The following RGPD4 variants were observed in gnomAD, a reference collection of about 807,000 sequenced individuals.
The protein encoded by RGPD4 is RANBP2 like and GRIP domain containing 4, also known as ranBP2-like and GRIP domain-containing protein 4.
A neutral mutation model predicts 141.1 loss-of-function variants in RGPD4; 84 were observed. That is an observed-to-expected ratio of 0.60 (90% CI 0.50 to 0.71). RGPD4 has a LOEUF of 0.71. Ranked by LOEUF, RGPD4 falls within the 30% of genes least tolerant of loss-of-function variation. The pLI is 0.00. For missense variants in RGPD4, 918 were observed against 1,622.4 expected, an observed-to-expected ratio of 0.57 and a Z score of 7.46; for synonymous variants, 298 against 566.8, an observed-to-expected ratio of 0.53 and a Z score of 6.74.
rs749321793 is a variant in RGPD4, at chr2:107,890,769, G to T, written c.*38G>T. 5.0e-6 allele frequency: 8 copies of T among 1,600,844 alleles called. No homozygotes were observed. The highest frequency in any genetic ancestry group is 6.8e-6 in the Non-Finnish European group (8 of 1,175,604). On this transcript the variant is annotated 3_prime_UTR_variant, in exon 23 of 23. Coordinates refer to ENST00000408999, the MANE Select transcript of RGPD4 (RefSeq NM_182588.3). Reference sequence around the variant, plus strand: ...TCTTCTGGATGGGCATCCTATCTTCGTAGTTGGTTTGGACTTCGATAGGTT... The same window carrying T: ...TCTTCTGGATGGGCATCCTATCTTCTTAGTTGGTTTGGACTTCGATAGGTT...
At chr2:107,858,397 C>CCTTTTCTTTTCTTTTCTTTTCTTTT (rs76894491) in intron 9 of RGPD4, among the ~76,000 whole-genome samples, 12 of 140,818 alleles carry the variant, frequency 8.5e-5, no homozygotes, top group East Asian at 4.3e-4. Flanking sequence ...AAGCACATAA[C>CCTTTTCTTTTCTTTTCTTTTCTTTT]CTTTTCTTTT....
chr2:107,850,669 C>T lies in RGPD4; in HGVS notation c.978+2133C>T, dbSNP rs1479910981. Among the ~76,000 whole-genome samples the T allele has an allele frequency of 4.8e-5, 2 of 41,418 alleles. 1 individual carries two copies. Among genetic ancestry groups the T allele is most frequent in the Admixed American group, 4.4e-4 (2 of 4,536 alleles). 27.2% of individuals were successfully genotyped at this position (41,418 alleles called of 152,430 possible). A position where few individuals can be genotyped will look rare whatever the true frequency, so the allele number is the denominator to read the frequency against. On this transcript the variant is annotated intron_variant, in intron 7 of 22. Transcript: ENST00000408999. The stretch of plus-strand genomic sequence containing the variant: ...ATTTATTTTATTTTTTTTTTTGAGA[C>T]GGAGTCTCACTCTGTCGCCCAGGCT...
rs1404316172 is a variant in RGPD4 at position 107,872,239 on chromosome 2, C to T, written c.4235C>T (p.Thr1412Ile). 1.4e-5 allele frequency: 22 copies of T among 1,611,504 alleles called. No homozygotes were observed. The highest frequency in any genetic ancestry group is 1.9e-5 in the Non-Finnish European group (22 of 1,179,864). The change falls in exon 20 of 23, where the codon ACT becomes ATT. Residue 1412 changes from threonine (T) to isoleucine (I), a missense_variant. Thr to Ile is a moderately conservative substitution (Grantham distance 89, BLOSUM62 -1). Coordinates refer to ENST00000408999, the MANE Select transcript of RGPD4 (RefSeq NM_182588.3). Reference protein sequence around the residue: ...VLKLCANHTITPDMSLQNMKG... With the variant: ...VLKLCANHTIIPDMSLQNMKG... ...AAACTTTGTGCCAATCACACAATAA[C>T]TCCAGACATGAGTTTGCAAAATATG... is the stretch of plus-strand genomic sequence containing the variant.
chr2:107,828,642 G>A (rs1681334529), intron 1 of RGPD4, among the ~76,000 whole-genome samples: 1 of 88,070 alleles, frequency 1.1e-5, no homozygotes, highest in Non-Finnish European at 2.2e-5. Flanking sequence ...CGGCCTCGAT[G>A]GCTCAGGCAT....
intron 22 of RGPD4, among the ~76,000 whole-genome samples, chr2:107,886,036 A>T (rs1033367899): frequency 7.1e-6 from 1 of 141,226 alleles, no homozygotes; most frequent in Non-Finnish European, 1.5e-5. Flanking sequence ...CCGAGCAACA[A>T]GATCAAAACT....
Position 107,870,803 on chromosome 2 carries a change from A to G in RGPD4, c.2799A>G (p.Gln933=). The part of the protein sequence containing the change: ...FKFGISEPGN[Q]EKESEKPLEN... ...TTGGCATTTCGGAACCAGGAAATCA[A>G]GAAAAGGAAAGTGAAAAGCCTCTTG... Residue 933 remains glutamine, a synonymous_variant, in exon 20 of 23, where the codon CAA becomes CAG. Coordinates refer to ENST00000408999, the MANE Select transcript of RGPD4 (RefSeq NM_182588.3). 1.2e-6 allele frequency: 2 copies of G among 1,606,102 alleles called. No individual in the cohort carries two copies. Among genetic ancestry groups the G allele is most frequent in the South Asian group, 1.1e-5 (1 of 90,494 alleles).
At chr2:107,827,810 G>C (rs1377928213) in intron 1 of RGPD4, among the ~76,000 whole-genome samples, 1 of 28,886 alleles carries the variant, frequency 3.5e-5, no homozygotes, top group African/African-American at 3.2e-4. Flanking sequence ...CCGGCCCGGC[G>C]GCGGCCTCGA....
At chr2:107,829,747 C>G (rs896713448) in intron 1 of RGPD4, among the ~76,000 whole-genome samples, 55 of 152,154 alleles carry the variant, frequency 3.6e-4, no homozygotes, top group African/African-American at 1.2e-3. Context: ...GGCTTGTTCC[C>G]GACGCTTGTT....
Position 107,861,576 on chromosome 2 carries a change from A to G in RGPD4, c.2059-18A>G. On this transcript the variant is annotated intron_variant, in intron 14 of 22. Transcript: ENST00000408999. ...GTTTTAAAAAGCTAATGATTTCATAAAAGCATTATTTGTATAGATTTTTCA... is the reference window on the plus strand; with the variant it reads ...GTTTTAAAAAGCTAATGATTTCATAGAAGCATTATTTGTATAGATTTTTCA... 6.2e-7 allele frequency: 1 copy of G among 1,610,708 alleles called. No individual in the cohort carries two copies. The highest frequency in any genetic ancestry group is 8.5e-7 in the Non-Finnish European group (1 of 1,179,586).
intron 20 of RGPD4, among the ~76,000 whole-genome samples, chr2:107,874,360 G>A (rs1683028829): frequency 6.7e-6 from 1 of 149,522 alleles, no homozygotes; most frequent in Non-Finnish European, 1.5e-5. Flanking sequence ...TTTTAGAAGT[G>A]TGGCTACTAG....
chr2:107,829,668 C>G (rs892846138), intron 1 of RGPD4, among the ~76,000 whole-genome samples: 3 of 152,252 alleles, frequency 2.0e-5, no homozygotes, highest in Admixed American at 1.3e-4. Flanking sequence ...CACTTGCGAG[C>G]GCAGGAAGAG....
At chr2:107,828,099 C>A (rs1255799202) in intron 1 of RGPD4, among the ~76,000 whole-genome samples, 1 of 23,162 alleles carries the variant, frequency 4.3e-5, no homozygotes, top group East Asian at 6.6e-4. Flanking sequence ...CTCGACCTGG[C>A]CGGGCGGCGG....
intron 21 of RGPD4, among the ~76,000 whole-genome samples, chr2:107,882,200 CTT>C (rs1237528957): frequency 3.3e-5 from 5 of 151,856 alleles, no homozygotes; most frequent in African/African-American, 4.9e-5. Flanking sequence ...ATCCTCTCCT[CTT>C]GTCAGTGATA....
intron 6 of RGPD4, among the ~76,000 whole-genome samples, chr2:107,846,795 T>G (rs1283560867): frequency 6.6e-6 from 1 of 150,860 alleles, no homozygotes; most frequent in Non-Finnish European, 1.5e-5. Flanking sequence ...TGAAAAATAA[T>G]TATTTTCCAA....
intron 6 of RGPD4, among the ~76,000 whole-genome samples, chr2:107,845,664 C>T (rs796741946): frequency 3.3e-5 from 5 of 152,266 alleles, no homozygotes; most frequent in African/African-American, 1.2e-4. Flanking sequence ...CCCAGGTTCA[C>T]ACCATTCTTC....
At chr2:107,883,279 A>G (rs924422906) in intron 22 of RGPD4, 4 of 406,660 alleles carry the variant, frequency 9.8e-6, no homozygotes, top group Non-Finnish European at 2.0e-5. Flanking sequence ...ATGGAGTCAT[A>G]TAGCCCAACA....
At position 107,871,747 on chromosome 2, in the gene RGPD4, A is replaced by C. The variant is rs919672080; in HGVS notation, c.3743A>C (p.Glu1248Ala). 1.2e-6 allele frequency: 2 copies of C among 1,611,224 alleles called. No individual in the cohort carries two copies. The highest frequency in any genetic ancestry group is 2.2e-5 in the East Asian group (1 of 44,882). Residue 1248 changes from glutamate to alanine, a missense_variant, in exon 20 of 23, where the codon GAA becomes GCA. Coordinates refer to ENST00000408999, the MANE Select transcript of RGPD4 (RefSeq NM_182588.3). ...PNPENTGPTL[E>A]WDNCDLREDA... ...CCTGAAAACACTGGGCCCACATTAG[A>C]ATGGGATAACTGTGATTTAAGGGAA...
At chr2:107,844,948 G>A (rs1449930960) in intron 6 of RGPD4, among the ~76,000 whole-genome samples, 1 of 128,234 alleles carries the variant, frequency 7.8e-6, no homozygotes, top group African/African-American at 3.0e-5. Context: ...CGATTCTCCT[G>A]CCTCAGCCTC....
intron 17 of RGPD4, among the ~76,000 whole-genome samples, chr2:107,865,039 CA>C (rs1449398801): frequency 7.5e-6 from 1 of 132,514 alleles, no homozygotes; most frequent in African/African-American, 2.9e-5. Flanking sequence ...ATGGTGCTGT[CA>C]TTTAGTTTTC....
Sources: gnomAD v4.1 joint callset for allele counts (sites outside exome capture counted in the v4.1 genomes callset) on GRCh38, gnomAD v4.1.1 for gene constraint, MANE v1.5 for transcripts, NCBI Gene and HGNC (gene_info 2026-07-23, HGNC 2026-07-21) for gene names.